Variants in TEK observed in about 807,000 individuals in gnomAD.
TEK encodes the protein TEK receptor tyrosine kinase.
TEK carries 43 observed loss-of-function variants against 131.8 expected under a neutral mutation model. The observed-to-expected ratio is 0.33, with a 90% CI of 0.26 to 0.42. The LOEUF is 0.42. TEK is among the 10% of genes least tolerant of loss of function. TEK has a pLI of 1.00. For missense variants in TEK, 1,162 were observed against 1,384.4 expected (o/e 0.84, Z 2.55); for synonymous variants, 580 against 491.6 (o/e 1.18, Z -2.38).
intron 1 of TEK, among the ~76,000 whole-genome samples, chr9:27,128,312 C>G (rs1032627579): frequency 6.6e-6 from 1 of 152,058 alleles, no homozygotes; most frequent in South Asian, 2.1e-4. Context: ...TTTCTGAGGC[C>G]TCTTTTCTGT....
chr9:27,120,561 C>G (rs1380144704), intron 1 of TEK, among the ~76,000 whole-genome samples: 2 of 152,270 alleles, frequency 1.3e-5, no homozygotes, highest in African/African-American at 2.4e-5. Flanking sequence ...GTCAAGCTGG[C>G]TGCAGCGACA....
chr9:27,148,858 C>T (rs1316492402), intron 1 of TEK, among the ~76,000 whole-genome samples: 2 of 152,102 alleles, frequency 1.3e-5, no homozygotes, highest in Admixed American at 1.3e-4. Flanking sequence ...TTACATGTAA[C>T]AGTATTTTTC....
chr9:27,205,479 A>G (rs550548944), intron 14 of TEK, among the ~76,000 whole-genome samples: 1 of 152,234 alleles, frequency 6.6e-6, no homozygotes, highest in South Asian at 2.1e-4. Context: ...TTTTCCTCAC[A>G]TTTGCCTATT....
chr9:27,147,878 AGTTT>A (rs1341078088), intron 1 of TEK, among the ~76,000 whole-genome samples: 3 of 152,228 alleles, frequency 2.0e-5, no homozygotes, highest in African/African-American at 7.2e-5. Flanking sequence ...GGTGTAATAT[AGTTT>A]AATTGTTGAA....
chr9:27,227,068 G>A (rs1216419866), intron 21 of TEK, among the ~76,000 whole-genome samples: 2 of 152,150 alleles, frequency 1.3e-5, no homozygotes, highest in Non-Finnish European at 2.9e-5. Flanking sequence ...TAAGGGGTGA[G>A]AAGATTTTTT....
intron 15 of TEK, 92 bp downstream of exon 15, chr9:27,206,884 A>C (rs1825419058): frequency 1.7e-5 from 25 of 1,441,648 alleles, no homozygotes; most frequent in Middle Eastern, 4.7e-4. Flanking sequence ...TCTTACAAAA[A>C]ATTGGCATGG....
chr9:27,211,432 C>CTT (rs138801213), intron 16 of TEK, among the ~76,000 whole-genome samples: 6 of 70,524 alleles, frequency 8.5e-5, no homozygotes, highest in Non-Finnish European at 1.1e-4. Flanking sequence ...ATCTTTCAAG[C>CTT]TTTTTTTTTT....
Position 27,217,735 on chromosome 9 carries a change from T to C in TEK, c.3039T>C (p.Ser1013=). The change falls in exon 19 of 23, where the codon AGT becomes AGC. Residue 1013 remains serine, a synonymous_variant. Coordinates refer to ENST00000380036, the MANE Select transcript of TEK (RefSeq NM_000459.5). ...RWMAIESLNY[S]VYTTNSDVWS... ...TGGCCATCGAGTCACTGAATTACAG[T>C]GTGTACACAACCAACAGTGATGTGT... 6.2e-7 allele frequency: 1 copy of C among 1,613,904 alleles called. No individual in the cohort carries two copies. The highest frequency in any genetic ancestry group is 8.5e-7 in the Non-Finnish European group (1 of 1,179,882).
intron 1 of TEK, among the ~76,000 whole-genome samples, chr9:27,153,445 G>A (rs1391685313): frequency 6.6e-6 from 1 of 152,100 alleles, no homozygotes; most frequent in East Asian, 1.9e-4. Context: ...GCGAGACTCC[G>A]TCTCAAAAAA....
At chr9:27,209,027 G>C in intron 15 of TEK, 94 bp from the exon 16 acceptor site, 1 of 797,094 alleles carries the variant, frequency 1.3e-6, no homozygotes, top group South Asian at 1.4e-5. Flanking sequence ...GATGGTGACT[G>C]AGGGTAGCTG....
intron 1 of TEK, among the ~76,000 whole-genome samples, chr9:27,138,900 C>T (rs11789885): frequency 0.39 from 58,774 of 151,908 alleles, 12,283 homozygotes; most frequent in African/African-American, 0.49. Context: ...TTTAGATTCA[C>T]TGTAGCAGTT....
At chr9:27,144,224 G>T (rs890714666) in intron 1 of TEK, among the ~76,000 whole-genome samples, 1 of 152,162 alleles carries the variant, frequency 6.6e-6, no homozygotes, top group Non-Finnish European at 1.5e-5. Flanking sequence ...AGAGCTTGCA[G>T]TGAGCCGAGA....
intron 18 of TEK, among the ~76,000 whole-genome samples, chr9:27,216,731 C>T (rs965691619): frequency 3.9e-5 from 6 of 152,156 alleles, no homozygotes; most frequent in Non-Finnish European, 7.4e-5. Context: ...GGATCTAGGG[C>T]AGGGCTGGTC....
chr9:27,207,929 T>C (rs1825455944), intron 15 of TEK, among the ~76,000 whole-genome samples: 1 of 152,214 alleles, frequency 6.6e-6, no homozygotes, highest in African/African-American at 2.4e-5. Flanking sequence ...AAATCCCTTT[T>C]CTGTTTTGCT....
intron 11 of TEK, among the ~76,000 whole-genome samples, chr9:27,196,978 A>G (rs1374287147): frequency 6.6e-6 from 1 of 151,416 alleles, no homozygotes; most frequent in Non-Finnish European, 1.5e-5. Flanking sequence ...TCGTCATTTA[A>G]CTTTAGGTAT....
chr9:27,144,097 C>G (rs1326279979), intron 1 of TEK, among the ~76,000 whole-genome samples: 2 of 152,204 alleles, frequency 1.3e-5, no homozygotes, highest in African/African-American at 4.8e-5. Flanking sequence ...TCCTGGCCAA[C>G]ATGGTGAAAC....
chr9:27,109,410 G>A lies in TEK; in HGVS notation c.-181G>A. 1.4e-6 allele frequency: 1 copy of A among 706,932 alleles called. No individual in the cohort carries two copies. The highest frequency in any genetic ancestry group is 2.5e-6 in the Non-Finnish European group (1 of 393,642). 43.8% of individuals were successfully genotyped at this position (706,932 alleles called of 1,614,324 possible). A position where few individuals can be genotyped will look rare whatever the true frequency, so the allele number is the denominator to read the frequency against. On this transcript the variant is annotated 5_prime_UTR_variant, in exon 1 of 23. The change creates a new upstream start codon in the 5' untranslated region. Coordinates refer to ENST00000380036, the MANE Select transcript of TEK (RefSeq NM_000459.5). ...AGGAAAAAGGAACTTAAAACTCCCTGTGCTCAGACAGAAATGAGACTGTTA... is the reference window on the plus strand; with the variant it reads ...AGGAAAAAGGAACTTAAAACTCCCTATGCTCAGACAGAAATGAGACTGTTA...
At chr9:27,158,853 G>T (rs954168212) in intron 2 of TEK, among the ~76,000 whole-genome samples, 1 of 152,062 alleles carries the variant, frequency 6.6e-6, no homozygotes, top group African/African-American at 2.4e-5. Flanking sequence ...TAGAGACAGG[G>T]TGTCACCATA....
chr9:27,189,529 G>T (rs1165901649), intron 9 of TEK, among the ~76,000 whole-genome samples: 1 of 152,190 alleles, frequency 6.6e-6, no homozygotes, highest in Non-Finnish European at 1.5e-5. Flanking sequence ...GAGATGGGGA[G>T]ATTGTTCTAG....
Sources: gnomAD v4.1 joint callset for allele counts (sites outside exome capture counted in the v4.1 genomes callset) on GRCh38, gnomAD v4.1.1 for gene constraint, MANE v1.5 for transcripts, NCBI Gene and HGNC (gene_info 2026-07-23, HGNC 2026-07-21) for gene names.